AFF3: variants seen among roughly 807,000 people sequenced by gnomAD.
AFF3 encodes ALF transcription elongation factor 3.
A neutral mutation model predicts 129.7 loss-of-function variants in AFF3; 32 were observed. The ratio of observed to expected loss-of-function variants is 0.25; its 90% CI spans 0.19 to 0.33. The LOEUF is 0.33. Among genes scored for constraint, AFF3 ranks in the 10% least tolerant of loss-of-function variants. The probability of loss-of-function intolerance (pLI) is 1.00; values close to 1 mark genes in which losing one functional copy is unlikely to be tolerated. For synonymous variants in AFF3, 644 were observed against 635.4 expected, an observed-to-expected ratio of 1.01 and a Z score of -0.20; for missense variants, 1,373 against 1,592.0, an observed-to-expected ratio of 0.86 and a Z score of 2.34.
chr2:100,074,697 A>C (rs1403057629), intron 4 of AFF3, among the ~76,000 whole-genome samples: 1 of 152,214 alleles, frequency 6.6e-6, no homozygotes, highest in Non-Finnish European at 1.5e-5. Context: ...TAGACGGTAC[A>C]CAATAGGCAA....
At chr2:100,011,230 C>T (rs553726189) in intron 4 of AFF3, among the ~76,000 whole-genome samples, 2 of 152,210 alleles carry the variant, frequency 1.3e-5, no homozygotes, top group Admixed American at 6.5e-5. Flanking sequence ...GCCGAGATTG[C>T]GCCACTGCAC....
chr2:99,993,027 G>C (rs535365495), intron 7 of AFF3, among the ~76,000 whole-genome samples: 2 of 152,328 alleles, frequency 1.3e-5, no homozygotes, highest in African/African-American at 4.8e-5. Context: ...ATGGCTGGAA[G>C]GGAATATGGA....
chr2:100,138,204 G>A (rs538102832), intron 1 of AFF3, among the ~76,000 whole-genome samples: 1 of 152,308 alleles, frequency 6.6e-6, no homozygotes, highest in African/African-American at 2.4e-5. Flanking sequence ...ATAGATGTGG[G>A]AGATAGGCCG....
At position 99,883,368 on chromosome 2, in the gene AFF3, G is replaced by C. The variant is rs908856403; in HGVS notation, c.874-45844C>G. On this transcript the variant is annotated intron_variant, in intron 7 of 24. Coordinates refer to ENST00000672756, the MANE Select transcript of AFF3 (RefSeq NM_001386135.1). ...GTCTGAATGTAGAGACTTTTAACCA[G>C]ACCTAAAATTCTTGCGAATAAGCCC... Among the ~76,000 whole-genome samples, 13 of 152,106 alleles carry C rather than the reference G, an allele frequency of 8.5e-5. No homozygotes were observed. In the South Asian group the frequency reaches 2.5e-3, roughly 29 times the overall value.
At chr2:99,958,433 C>T (rs556955065) in intron 7 of AFF3, among the ~76,000 whole-genome samples, 5 of 149,514 alleles carry the variant, frequency 3.3e-5, no homozygotes, top group East Asian at 2.0e-4. Context: ...GTGAAGGAGC[C>T]GAGATCGTGT....
chr2:99,613,014 T>C (rs1427113303), intron 13 of AFF3, among the ~76,000 whole-genome samples: 2 of 152,252 alleles, frequency 1.3e-5, no homozygotes, highest in East Asian at 3.8e-4. Flanking sequence ...TTTGAACTTT[T>C]CTGTATTTTC....
chr2:99,654,682 C>T (rs1300027708), intron 12 of AFF3, among the ~76,000 whole-genome samples: 1 of 152,202 alleles, frequency 6.6e-6, no homozygotes, highest in African/African-American at 2.4e-5. Context: ...GTTAAGAGAA[C>T]ACGTCATTGA....
At chr2:99,709,967 G>A (rs1250384364) in intron 11 of AFF3, among the ~76,000 whole-genome samples, 1 of 152,202 alleles carries the variant, frequency 6.6e-6, no homozygotes, top group African/African-American at 2.4e-5. Flanking sequence ...GTAGTCTGAG[G>A]CAGTGAGGAA....
At chr2:100,126,938 A>C (rs1266540103) in intron 2 of AFF3, among the ~76,000 whole-genome samples, 2 of 152,206 alleles carry the variant, frequency 1.3e-5, no homozygotes, top group Non-Finnish European at 2.9e-5. Context: ...AACTTGTTTA[A>C]AGTCTAAGAT....
chr2:100,087,856 T>C (rs1475691098), intron 4 of AFF3, among the ~76,000 whole-genome samples: 1 of 149,418 alleles, frequency 6.7e-6, no homozygotes, highest in Non-Finnish European at 1.5e-5. Flanking sequence ...TATTAAAGTA[T>C]ATAAAAGTAT....
intron 17 of AFF3, among the ~76,000 whole-genome samples, chr2:99,580,180 TG>T (rs1677392996): frequency 6.6e-6 from 1 of 152,200 alleles, no homozygotes; most frequent in Non-Finnish European, 1.5e-5. Flanking sequence ...CTGCTTCCTC[TG>T]CCTGTAATGC....
chr2:100,045,050 A>G (rs1286486418), intron 4 of AFF3, among the ~76,000 whole-genome samples: 1 of 152,088 alleles, frequency 6.6e-6, no homozygotes, highest in Non-Finnish European at 1.5e-5. Flanking sequence ...GAGGCTCCAA[A>G]GCACCTCCTC....
intron 9 of AFF3, among the ~76,000 whole-genome samples, chr2:99,748,889 T>C (rs529308633): frequency 2.0e-5 from 3 of 152,206 alleles, no homozygotes; most frequent in Non-Finnish European, 4.4e-5. Flanking sequence ...GCAAAAGTGT[T>C]AGCTGCCAGC....
At chr2:99,629,328 C>T (rs1293938580) in intron 13 of AFF3, among the ~76,000 whole-genome samples, 3 of 152,124 alleles carry the variant, frequency 2.0e-5, no homozygotes, top group East Asian at 1.9e-4. Context: ...GATACAAACT[C>T]GACATACAAA....
rs571011758 is a variant in AFF3, at chr2:99,789,090, C to T, written c.922-36789G>A. 3.3e-5 allele frequency among the ~76,000 whole-genome samples: 5 copies of T among 152,264 alleles called. No individual in the cohort carries two copies. In the East Asian group the frequency reaches 9.6e-4, roughly 29 times the overall value. ...CTCAGAACATATCCATATTGTTATA[C>T]CATGCATGACTGCATATGAAATGCT... On this transcript the variant is annotated intron_variant, in intron 8 of 24. Coordinates refer to ENST00000672756, the MANE Select transcript of AFF3 (RefSeq NM_001386135.1).
intron 12 of AFF3, among the ~76,000 whole-genome samples, chr2:99,667,737 T>G (rs1488261253): frequency 6.6e-6 from 1 of 152,104 alleles, no homozygotes; most frequent in East Asian, 1.9e-4. Context: ...CACATAAACA[T>G]GACAACTTAA....
intron 20 of AFF3, among the ~76,000 whole-genome samples, chr2:99,565,282 C>G (rs1675850625): frequency 6.6e-6 from 1 of 152,104 alleles, no homozygotes; most frequent in Non-Finnish European, 1.5e-5. Context: ...TTGGGGGCTA[C>G]AGCAGCTGCC....
intron 7 of AFF3, among the ~76,000 whole-genome samples, chr2:99,940,104 GAA>G (rs1169349189): frequency 6.6e-6 from 1 of 152,076 alleles, no homozygotes; most frequent in African/African-American, 2.4e-5. Flanking sequence ...GCTATAATCC[GAA>G]GTCAGGACAC....
intron 7 of AFF3, among the ~76,000 whole-genome samples, chr2:99,984,390 CG>C (rs1679674700): frequency 6.6e-6 from 1 of 152,072 alleles, no homozygotes; most frequent in African/African-American, 2.4e-5. Context: ...CAGTTTTATG[CG>C]AAGTCCTTAC....
Sources: allele counts gnomAD v4.1 joint callset (sites outside exome capture counted in the v4.1 genomes callset), GRCh38; gene constraint gnomAD v4.1.1; transcripts MANE v1.5; gene names NCBI Gene and HGNC (gene_info 2026-07-23, HGNC 2026-07-21).